The following BICD1 variants were observed in gnomAD, a reference collection of about 807,000 sequenced individuals.
BICD1 encodes protein bicaudal D homolog 1.
A neutral mutation model predicts 92.5 loss-of-function variants in BICD1; 35 were observed. The observed-to-expected ratio is 0.38, with a 90% confidence interval of 0.29 to 0.50. The LOEUF (loss-of-function observed/expected upper bound fraction) is 0.50, where lower values mean the gene tolerates loss of function less well. Among genes scored for constraint, BICD1 ranks in the 20% least tolerant of loss-of-function variants. The pLI, the probability that BICD1 is intolerant of heterozygous loss-of-function variation, is 0.93. For missense variants in BICD1, 950 were observed against 1,189.8 expected, an observed-to-expected ratio of 0.80 and a Z score of 2.97; for synonymous variants, 429 against 465.1, an observed-to-expected ratio of 0.92 and a Z score of 1.00.
chr12:32,210,557 A>T (rs16919478), intron 1 of BICD1, among the ~76,000 whole-genome samples: 2,743 of 152,306 alleles, frequency 0.018, 75 homozygotes, highest in African/African-American at 0.063. Context: ...AGTACTTATT[A>T]CATAGCTAAC....
intron 1 of BICD1, chr12:32,107,793 T>A: frequency 1.4e-6 from 1 of 701,162 alleles, no homozygotes; most frequent in Middle Eastern, 2.4e-4. Context: ...GGAGGGAGAT[T>A]AGTAAGAGTC....
chr12:32,217,223 T>C (rs917916134), intron 2 of BICD1, among the ~76,000 whole-genome samples: 1 of 152,216 alleles, frequency 6.6e-6, no homozygotes, highest in Non-Finnish European at 1.5e-5. Flanking sequence ...ATGAAAGCTA[T>C]AGAAGAGACG....
intron 2 of BICD1, among the ~76,000 whole-genome samples, chr12:32,239,535 C>T (rs1390822517): frequency 6.7e-6 from 1 of 149,428 alleles, no homozygotes; most frequent in Non-Finnish European, 1.5e-5. Context: ...CATTGCACTC[C>T]AGTGCAGTGG....
In BICD1 at chr12:32,116,462, G is replaced by GTCTC. The variant is rs1173406919; in HGVS notation, c.213+8944_213+8947dup. 5.1e-3 allele frequency among the ~76,000 whole-genome samples: 464 copies of GTCTC among 91,488 alleles called. 2 individuals are homozygous for GTCTC. The highest frequency in any genetic ancestry group is 0.016 in the African/African-American group (335 of 20,530). 60.0% of individuals were successfully genotyped at this position (91,488 alleles called of 152,430 possible). On this transcript the variant is annotated intron_variant, in intron 1 of 9. Transcript: ENST00000652176. ...TCTCTGTCTGTCTGTCTGTCTGTCT[G>GTCTC]TCTCTCTCTCTCTCTCTCTCTCTCT...
intron 1 of BICD1, 124 bp downstream of exon 1, chr12:32,107,668 T>G: frequency 9.5e-7 from 1 of 1,055,584 alleles, no homozygotes; most frequent in Non-Finnish European, 1.4e-6. Flanking sequence ...CTAGGGCCCT[T>G]TGTTGGTAAG....
At chr12:32,320,527 A>G (rs1257563171) in intron 4 of BICD1, among the ~76,000 whole-genome samples, 2 of 152,178 alleles carry the variant, frequency 1.3e-5, no homozygotes, top group African/African-American at 4.8e-5. Context: ...CTGTAATCCC[A>G]GCTACTCGGG....
rs142183582 is a variant in BICD1, at chr12:32,122,284, C to T, written c.213+14740C>T. On this transcript the variant is annotated intron_variant, in intron 1 of 9. Coordinates refer to ENST00000652176, the MANE Select transcript of BICD1 (RefSeq NM_001714.4). ...AGATCGAGACCATCCTAACACAGATCGAGACCATCCTGACTAACATGGTGA... is the reference window on the plus strand; with the variant it reads ...AGATCGAGACCATCCTAACACAGATTGAGACCATCCTGACTAACATGGTGA... Among the ~76,000 whole-genome samples, 1,294 of 151,900 alleles carry T rather than the reference C, an allele frequency of 8.5e-3. 12 individuals are homozygous for T. Among genetic ancestry groups the T allele is most frequent in the Non-Finnish European group, 0.014 (923 of 67,954 alleles).
rs202153353 is a variant in BICD1 at position 32,107,404 on chromosome 12, A to G, written c.73A>G (p.Thr25Ala). The change falls in exon 1 of 10, where the codon ACG becomes GCG. Residue 25 changes from threonine (T) to alanine (A), a missense_variant. Coordinates refer to ENST00000652176, the MANE Select transcript of BICD1 (RefSeq NM_001714.4). ...TEIERLTKEL[T>A]ETTHEKIQAA... Reference sequence around the variant, plus strand: ...GATAGAGAGGCTAACCAAGGAGCTCACGGAGACCACCCACGAGAAGATCCA... The same window carrying G: ...GATAGAGAGGCTAACCAAGGAGCTCGCGGAGACCACCCACGAGAAGATCCA... 38 of 1,611,930 alleles carry G rather than the reference A, an allele frequency of 2.4e-5. No individual in the cohort carries two copies. In the East Asian group the frequency reaches 8.3e-4, roughly 35 times the overall value.
chr12:32,290,545 A>G (rs1352238788), intron 2 of BICD1, among the ~76,000 whole-genome samples: 2 of 152,224 alleles, frequency 1.3e-5, no homozygotes, highest in African/African-American at 4.8e-5. Flanking sequence ...CTTTTGGACC[A>G]GGCTTCAAGC....
At chr12:32,339,284 T>C in intron 8 of BICD1, 2 of 1,057,090 alleles carry the variant, frequency 1.9e-6, no homozygotes, top group Non-Finnish European at 2.3e-6. Context: ...ATTTGCAGTT[T>C]GGTAGCTCAT....
chr12:32,346,879 A>G (rs1938651778), intron 8 of BICD1, among the ~76,000 whole-genome samples: 1 of 150,164 alleles, frequency 6.7e-6, no homozygotes, highest in Non-Finnish European at 1.5e-5. Flanking sequence ...AGAAATCTAA[A>G]TTTGAATAAC....
intron 1 of BICD1, among the ~76,000 whole-genome samples, chr12:32,110,023 C>T (rs1439649969): frequency 6.6e-6 from 1 of 152,038 alleles, no homozygotes; most frequent in Non-Finnish European, 1.5e-5. Context: ...GATTTTTGAA[C>T]AAATATGATT....
chr12:32,378,509 AG>A lies in BICD1; in HGVS notation c.*884del, dbSNP rs1235625627. On this transcript the variant is annotated 3_prime_UTR_variant, in exon 10 of 10. Transcript: ENST00000652176. ...TGTATGTGTGTGATAACGTTAAAGAAGGCTCAATAACTTGAAGGGAAAAAAA... is the reference window on the plus strand; with the variant it reads ...TGTATGTGTGTGATAACGTTAAAGAAGCTCAATAACTTGAAGGGAAAAAAA... 1 of 152,196 alleles carries A rather than the reference AG, an allele frequency of 6.6e-6. No individual in the cohort carries two copies. The highest frequency in any genetic ancestry group is 2.4e-5 in the African/African-American group (1 of 41,440). 9.4% of individuals were successfully genotyped at this position (152,196 alleles called of 1,614,324 possible).
At chr12:32,339,315 A>T in intron 8 of BICD1, 1 of 1,025,806 alleles carries the variant, frequency 9.7e-7, no homozygotes, top group Non-Finnish European at 1.2e-6. Context: ...TCTTGGTCAG[A>T]TTTGGCCAGT....
chr12:32,374,910 CTTT>C (rs1185628924), intron 9 of BICD1, among the ~76,000 whole-genome samples: 524 of 49,492 alleles, frequency 0.011, 1 homozygote, highest in Non-Finnish European at 0.016. Context: ...ATTTATTTTC[CTTT>C]TTTTTTTTTT....
intron 9 of BICD1, among the ~76,000 whole-genome samples, chr12:32,371,259 C>T (rs1288090103): frequency 1.3e-5 from 2 of 152,124 alleles, no homozygotes; most frequent in Non-Finnish European, 2.9e-5. Context: ...CTACTGTTCC[C>T]CATCGTGGTC....
At chr12:32,351,254 G>A (rs1938861129) in intron 8 of BICD1, among the ~76,000 whole-genome samples, 1 of 151,770 alleles carries the variant, frequency 6.6e-6, no homozygotes. Context: ...GGGAAGCCGA[G>A]GTGGGCGGAT....
intron 2 of BICD1, among the ~76,000 whole-genome samples, chr12:32,270,082 C>G (rs775392734): frequency 1.2e-4 from 16 of 138,360 alleles, no homozygotes; most frequent in Non-Finnish European, 2.5e-4. Flanking sequence ...GATGGCACCA[C>G]TGCTCTCCAG....
chr12:32,264,282 C>G (rs1946934738), intron 2 of BICD1, among the ~76,000 whole-genome samples: 1 of 152,170 alleles, frequency 6.6e-6, no homozygotes, highest in Admixed American at 6.5e-5. Flanking sequence ...ATTATAAACT[C>G]TGAGGAAGAG....
Sources: allele counts gnomAD v4.1 joint callset (sites outside exome capture counted in the v4.1 genomes callset), GRCh38; gene constraint gnomAD v4.1.1; transcripts MANE v1.5; gene names NCBI Gene and HGNC (gene_info 2026-07-23, HGNC 2026-07-21).